MACROD2: variants seen among roughly 807,000 people sequenced by gnomAD.
MACROD2 encodes ADP-ribose glycohydrolase MACROD2.
In MACROD2, 36 loss-of-function variants were observed where a neutral mutation model predicts 70.4. That is an observed-to-expected ratio of 0.51 (90% CI 0.39 to 0.68). The LOEUF is 0.68. Ranked by LOEUF, MACROD2 falls within the 30% of genes least tolerant of loss-of-function variation. The pLI is 0.00. For synonymous variants in MACROD2, 172 were observed against 178.8 expected, an observed-to-expected ratio of 0.96 and a Z score of 0.30; for missense variants, 496 against 538.4, an observed-to-expected ratio of 0.92 and a Z score of 0.78.
intron 7 of MACROD2, among the ~76,000 whole-genome samples, chr20:15,470,247 C>T (rs1279255003): frequency 6.6e-6 from 1 of 152,136 alleles, no homozygotes; most frequent in East Asian, 1.9e-4. Flanking sequence ...GACGGGGTTT[C>T]ACCATGTTAG....
At chr20:15,168,390 A>T (rs1428714564) in intron 5 of MACROD2, among the ~76,000 whole-genome samples, 1 of 151,384 alleles carries the variant, frequency 6.6e-6, no homozygotes, top group Non-Finnish European at 1.5e-5. Context: ...TGCTGCCAAA[A>T]GTTTGCCGAC....
At chr20:14,647,609 T>A (rs1985464068) in intron 4 of MACROD2, among the ~76,000 whole-genome samples, 1 of 152,078 alleles carries the variant, frequency 6.6e-6, no homozygotes, top group Non-Finnish European at 1.5e-5. Flanking sequence ...GATCCCTTGA[T>A]GCCTCATAAG....
chr20:14,872,994 T>C (rs2073506691), intron 5 of MACROD2, among the ~76,000 whole-genome samples: 2 of 152,076 alleles, frequency 1.3e-5, no homozygotes, highest in Non-Finnish European at 2.9e-5. Context: ...GAGAACAGCA[T>C]AGGGGAAACT....
chr20:14,422,810 C>T (rs2122899070), intron 3 of MACROD2, among the ~76,000 whole-genome samples: 1 of 152,274 alleles, frequency 6.6e-6, no homozygotes, highest in South Asian at 2.1e-4. Flanking sequence ...ACCAAAATTG[C>T]AATATTACCT....
At chr20:14,797,612 T>C (rs2051670177) in intron 5 of MACROD2, among the ~76,000 whole-genome samples, 1 of 152,080 alleles carries the variant, frequency 6.6e-6, no homozygotes, top group African/African-American at 2.4e-5. Context: ...CATTTCCTCA[T>C]GAAGTCTTCC....
At chr20:15,481,353 G>A (rs570606336) in intron 7 of MACROD2, among the ~76,000 whole-genome samples, 2 of 152,288 alleles carry the variant, frequency 1.3e-5, no homozygotes, top group Non-Finnish European at 2.9e-5. Context: ...AATGACTGAT[G>A]TGCTTTCTAA....
chr20:15,972,715 C>G (rs1444110251), intron 13 of MACROD2, among the ~76,000 whole-genome samples: 1 of 151,940 alleles, frequency 6.6e-6, no homozygotes, highest in Non-Finnish European at 1.5e-5. Flanking sequence ...GAGGCTGAGT[C>G]AGGAGAATCA....
At chr20:15,716,582 T>A (rs892968715) in intron 8 of MACROD2, among the ~76,000 whole-genome samples, 4 of 152,206 alleles carry the variant, frequency 2.6e-5, no homozygotes, top group South Asian at 2.1e-4. Flanking sequence ...GCTTTATACT[T>A]TACCCCCAAT....
At chr20:14,766,014 C>G (rs1486486706) in intron 5 of MACROD2, among the ~76,000 whole-genome samples, 1 of 152,038 alleles carries the variant, frequency 6.6e-6, no homozygotes, top group African/African-American at 2.4e-5. Context: ...TCTTCTCTGC[C>G]CCTTCAAATC....
chr20:15,595,201 A>T (rs1435557657), intron 8 of MACROD2, among the ~76,000 whole-genome samples: 1 of 152,232 alleles, frequency 6.6e-6, no homozygotes, highest in African/African-American at 2.4e-5. Context: ...GGTCCACTGC[A>T]CAACAGTGTG....
intron 3 of MACROD2, among the ~76,000 whole-genome samples, chr20:14,253,569 A>G (rs2082028733): frequency 1.3e-5 from 2 of 152,130 alleles, no homozygotes; most frequent in South Asian, 4.1e-4. Context: ...TACTTTAAAA[A>G]TAATGTCCAT....
intron 3 of MACROD2, among the ~76,000 whole-genome samples, chr20:14,334,527 T>C (rs568649461): frequency 6.6e-6 from 1 of 152,170 alleles, no homozygotes; most frequent in Non-Finnish European, 1.5e-5. Flanking sequence ...TGGGGGGTGG[T>C]ACACTCTACC....
intron 3 of MACROD2, among the ~76,000 whole-genome samples, chr20:14,147,229 A>T (rs1175922383): frequency 6.6e-6 from 1 of 152,162 alleles, no homozygotes; most frequent in African/African-American, 2.4e-5. Context: ...AGATAAATAC[A>T]TTTCCCAAGG....
chr20:14,506,298 G>T (rs1029323678), intron 4 of MACROD2, among the ~76,000 whole-genome samples: 16 of 152,134 alleles, frequency 1.1e-4, no homozygotes, highest in African/African-American at 3.9e-4. Flanking sequence ...GTACACATTT[G>T]CATAGGAGCC....
At chr20:14,441,302 G>A (rs6079444) in intron 3 of MACROD2, among the ~76,000 whole-genome samples, 4 of 152,176 alleles carry the variant, frequency 2.6e-5, no homozygotes, top group African/African-American at 9.7e-5. Context: ...AAGTGCTCTA[G>A]GTGACAGCCA....
intron 13 of MACROD2, among the ~76,000 whole-genome samples, chr20:15,984,507 T>C (rs931331285): frequency 3.9e-5 from 6 of 152,282 alleles, no homozygotes; most frequent in Admixed American, 1.3e-4. Context: ...TTCACGACTT[T>C]TGCAGACAAT....
chr20:15,234,525 A>G (rs2076996896), intron 6 of MACROD2, among the ~76,000 whole-genome samples: 1 of 152,144 alleles, frequency 6.6e-6, no homozygotes, highest in Non-Finnish European at 1.5e-5. Context: ...TAGCTGTCAA[A>G]AAAGAAAAAA....
At chr20:14,685,916 C>T (rs1167202289) in intron 5 of MACROD2, among the ~76,000 whole-genome samples, 2 of 152,100 alleles carry the variant, frequency 1.3e-5, no homozygotes, top group Admixed American at 1.3e-4. Context: ...GTTGTCATAA[C>T]AGTGAATTTC....
At chr20:15,874,875 A>G (rs978385468) in intron 9 of MACROD2, among the ~76,000 whole-genome samples, 3 of 152,152 alleles carry the variant, frequency 2.0e-5, no homozygotes, top group African/African-American at 7.2e-5. Context: ...ACCACAAGAT[A>G]GGAATGTTAT....
Sources: gnomAD v4.1 joint callset for allele counts (sites outside exome capture counted in the v4.1 genomes callset) on GRCh38, gnomAD v4.1.1 for gene constraint, MANE v1.5 for transcripts, NCBI Gene and HGNC (gene_info 2026-07-23, HGNC 2026-07-21) for gene names.